Variants in SUGCT observed in about 807,000 individuals in gnomAD.
SUGCT encodes the protein succinyl-CoA:glutarate-CoA transferase.
SUGCT carries 41 observed loss-of-function variants against 55.0 expected under a neutral mutation model. The observed-to-expected ratio is 0.74, with a 90% CI of 0.58 to 0.97. SUGCT has a LOEUF of 0.97. Among genes scored for constraint, SUGCT ranks in the 50% least tolerant of loss-of-function variants. The pLI is 0.00. For missense variants in SUGCT, 568 were observed against 547.8 expected, an observed-to-expected ratio of 1.04 and a Z score of -0.37; for synonymous variants, 187 against 200.4, an observed-to-expected ratio of 0.93 and a Z score of 0.56.
chr7:40,579,125 T>A (rs1796937692), intron 12 of SUGCT, among the ~76,000 whole-genome samples: 1 of 151,926 alleles, frequency 6.6e-6, no homozygotes, highest in South Asian at 2.1e-4. Context: ...GTGGACTACT[T>A]CTTTTTTTTT....
chr7:40,341,696 G>C (rs140873469), intron 9 of SUGCT, among the ~76,000 whole-genome samples: 2 of 152,300 alleles, frequency 1.3e-5, no homozygotes, highest in African/African-American at 4.8e-5. Context: ...TAGGGAAAAA[G>C]AAACTACACT....
Position 40,286,333 on chromosome 7 carries a change from G to A in SUGCT, c.720+11677G>A, listed in dbSNP as rs571531364. 2.6e-5 allele frequency among the ~76,000 whole-genome samples: 4 copies of A among 152,268 alleles called. No individual in the cohort carries two copies. The East Asian group carries it at 5.8e-4, about 22-fold the overall frequency. On this transcript the variant is annotated intron_variant, in intron 8 of 13. Transcript: ENST00000335693. ...AAATTGCGGGGATGAGAAGGAGCCCGCCACAGGACTAGCCAAGTCAAGATA... is the reference window on the plus strand; with the variant it reads ...AAATTGCGGGGATGAGAAGGAGCCCACCACAGGACTAGCCAAGTCAAGATA...
chr7:40,791,894 A>C (rs1232976254), intron 13 of SUGCT, among the ~76,000 whole-genome samples: 1 of 152,172 alleles, frequency 6.6e-6, no homozygotes, highest in East Asian at 1.9e-4. Context: ...CTACAAATAC[A>C]GTAACTATTT....
chr7:40,612,995 T>C (rs1798833617), intron 12 of SUGCT, among the ~76,000 whole-genome samples: 1 of 152,072 alleles, frequency 6.6e-6, no homozygotes, highest in Non-Finnish European at 1.5e-5. Flanking sequence ...TAGCTGGGCA[T>C]GATGGGGGAT....
At chr7:40,276,683 G>A (rs1203644246) in intron 8 of SUGCT, among the ~76,000 whole-genome samples, 2 of 152,176 alleles carry the variant, frequency 1.3e-5, no homozygotes, top group Non-Finnish European at 2.9e-5. Context: ...TTCCCTGGGA[G>A]TAAGGGTGGG....
intron 9 of SUGCT, among the ~76,000 whole-genome samples, chr7:40,342,857 G>A (rs1797125623): frequency 6.6e-6 from 1 of 152,142 alleles, no homozygotes. Flanking sequence ...TGGTCAGGCA[G>A]GTCTTGAACT....
At chr7:40,962,411 C>A in the SUGCT span, among the ~76,000 whole-genome samples, 1 of 152,138 alleles carries the variant, frequency 6.6e-6, no homozygotes, top group Non-Finnish European at 1.5e-5. Flanking sequence ...GCTGGCTTCA[C>A]CTCTCAGAAA....
chr7:40,574,997 G>C (rs1796648643), intron 12 of SUGCT, among the ~76,000 whole-genome samples: 1 of 151,834 alleles, frequency 6.6e-6, no homozygotes, highest in African/African-American at 2.4e-5. Flanking sequence ...TTGAACCAGT[G>C]TTTAAGATCT....
At chr7:40,270,891 A>G (rs1309951091) in intron 7 of SUGCT, among the ~76,000 whole-genome samples, 1 of 129,882 alleles carries the variant, frequency 7.7e-6, no homozygotes, top group Non-Finnish European at 1.7e-5. Flanking sequence ...TTATTATTTT[A>G]AGAGTATAAG....
chr7:40,803,044 AG>A (rs1790902420), intron 13 of SUGCT, among the ~76,000 whole-genome samples: 1 of 152,236 alleles, frequency 6.6e-6, no homozygotes, highest in Admixed American at 6.5e-5. Context: ...TCTTAAAAAA[AG>A]CTGTTTACCT....
At chr7:40,272,991 A>G (rs1360553056) in intron 7 of SUGCT, among the ~76,000 whole-genome samples, 1 of 152,046 alleles carries the variant, frequency 6.6e-6, no homozygotes, top group African/African-American at 2.4e-5. Context: ...AAAAAATTCC[A>G]CGTATAAGTG....
At chr7:40,481,467 T>C (rs1447279394) in intron 11 of SUGCT, among the ~76,000 whole-genome samples, 1 of 151,874 alleles carries the variant, frequency 6.6e-6, no homozygotes, top group African/African-American at 2.4e-5. Context: ...ATTCTAATTT[T>C]ATCATTACCT....
intron 12 of SUGCT, among the ~76,000 whole-genome samples, chr7:40,583,901 G>A (rs761968101): frequency 2.0e-5 from 3 of 152,114 alleles, no homozygotes; most frequent in Admixed American, 6.6e-5. Flanking sequence ...GCTGAAACAC[G>A]AGGGAATTTT....
chr7:40,440,037 T>G (rs192636429), intron 9 of SUGCT, among the ~76,000 whole-genome samples: 2 of 152,156 alleles, frequency 1.3e-5, no homozygotes, highest in Non-Finnish European at 2.9e-5. Context: ...AACTCCCTTT[T>G]TTTCCTACTC....
chr7:40,514,519 A>G (rs1793124904), intron 12 of SUGCT, among the ~76,000 whole-genome samples: 2 of 151,970 alleles, frequency 1.3e-5, no homozygotes, highest in African/African-American at 4.8e-5. Context: ...GACCAACCTG[A>G]CCAACATGGT....
chr7:40,532,909 A>G (rs1319958972), intron 12 of SUGCT, among the ~76,000 whole-genome samples: 1 of 152,200 alleles, frequency 6.6e-6, no homozygotes, highest in Non-Finnish European at 1.5e-5. Context: ...CTCAGCTCAC[A>G]TGAGTAAATA....
At chr7:40,646,019 C>G (rs1331094181) in intron 12 of SUGCT, among the ~76,000 whole-genome samples, 2 of 152,166 alleles carry the variant, frequency 1.3e-5, no homozygotes, top group Non-Finnish European at 2.9e-5. Context: ...TCTAGTCCCC[C>G]TTTTCATCTT....
chr7:40,994,552 A>G, the SUGCT span, among the ~76,000 whole-genome samples: 1 of 152,244 alleles, frequency 6.6e-6, no homozygotes, highest in Non-Finnish European at 1.5e-5. Flanking sequence ...GGAAAAGCTC[A>G]GAAACCAACC....
chr7:40,173,678 G>A (rs964797226), intron 1 of SUGCT, among the ~76,000 whole-genome samples: 27 of 152,144 alleles, frequency 1.8e-4, no homozygotes, highest in African/African-American at 5.5e-4. Context: ...TAAAAGCCCC[G>A]TGTTTAAAGG....
Sources: gnomAD v4.1 joint callset for allele counts (sites outside exome capture counted in the v4.1 genomes callset) on GRCh38, gnomAD v4.1.1 for gene constraint, MANE v1.5 for transcripts, NCBI Gene and HGNC (gene_info 2026-07-23, HGNC 2026-07-21) for gene names.